KLKB1: variants seen among roughly 807,000 people sequenced by gnomAD.
KLKB1 encodes plasma kallikrein.
Under a neutral mutation model 73.6 loss-of-function variants are expected in KLKB1, and 58 were observed. That is an observed-to-expected ratio of 0.79 (90% CI 0.64 to 0.98). The LOEUF (loss-of-function observed/expected upper bound fraction) is 0.98. KLKB1 is among the 50% of genes least tolerant of loss of function. The pLI is 0.00. For synonymous variants in KLKB1, 280 were observed against 258.1 expected (o/e 1.08, Z -0.81); for missense variants, 737 against 763.8 (o/e 0.96, Z 0.41).
intron 4 of KLKB1, among the ~76,000 whole-genome samples, chr4:186,236,446 TG>T (rs888989901): frequency 6.6e-6 from 1 of 152,318 alleles, no homozygotes; most frequent in Non-Finnish European, 1.5e-5. Flanking sequence ...ACATTATCAG[TG>T]TCCTCATTAT....
intron 2 of KLKB1, among the ~76,000 whole-genome samples, chr4:186,219,810 T>A (rs551703608): frequency 1.3e-5 from 2 of 152,254 alleles, no homozygotes; most frequent in East Asian, 3.9e-4. Context: ...TGTTGTAGTT[T>A]CCCATTGACC....
chr4:186,238,467 A>G (rs1737826531), intron 6 of KLKB1, 102 bp downstream of exon 6: 1 of 813,372 alleles, frequency 1.2e-6, no homozygotes, highest in Non-Finnish European at 2.2e-6. Flanking sequence ...GTGTTCCCAT[A>G]GCTGGCAAAA....
chr4:186,217,433 G>C (rs1200114211), intron 2 of KLKB1, among the ~76,000 whole-genome samples: 1 of 152,128 alleles, frequency 6.6e-6, no homozygotes, highest in Non-Finnish European at 1.5e-5. Context: ...AGCACAACAT[G>C]CATATTTAAA....
intron 11 of KLKB1, among the ~76,000 whole-genome samples, chr4:186,254,315 A>G (rs1260413667): frequency 2.0e-5 from 3 of 152,240 alleles, no homozygotes; most frequent in African/African-American, 4.8e-5. Context: ...GTGTCTCTCA[A>G]AAATGGGACA....
At position 186,258,317 on chromosome 4, in the gene KLKB1, A is replaced by T; in HGVS notation, c.*105A>T. On this transcript the variant is annotated 3_prime_UTR_variant, in exon 15 of 15. Coordinates refer to ENST00000264690, the MANE Select transcript of KLKB1 (RefSeq NM_000892.5). ...GCATGGAGAGTGGCATCTTCTTTGC[A>T]TCCTAAGGACGAAAAACACAGTGCA... 2 of 1,013,142 alleles carry T rather than the reference A, an allele frequency of 2.0e-6. No homozygotes were observed. Among genetic ancestry groups the T allele is most frequent in the East Asian group, 5.2e-5 (2 of 38,550 alleles). 62.8% of individuals were successfully genotyped at this position (1,013,142 alleles called of 1,614,324 possible). A position where few individuals can be genotyped will look rare whatever the true frequency, so the allele number is the denominator to read the frequency against.
intron 6 of KLKB1, among the ~76,000 whole-genome samples, chr4:186,245,753 T>C (rs1738295950): frequency 1.3e-5 from 2 of 151,160 alleles, no homozygotes. Context: ...GAAGGCGAGG[T>C]TAATTAAGTC....
chr4:186,226,033 A>C (rs1399150736), upstream of KLKB1, among the ~76,000 whole-genome samples: 2 of 151,766 alleles, frequency 1.3e-5, no homozygotes, highest in East Asian at 3.9e-4. Flanking sequence ...TGCTTGATCT[A>C]GTCTGCTGCT....
At chr4:186,248,562 A>G (rs1274543113) in intron 6 of KLKB1, among the ~76,000 whole-genome samples, 5 of 135,856 alleles carry the variant, frequency 3.7e-5, no homozygotes, top group Non-Finnish European at 1.5e-5. Context: ...TTGTTTATAT[A>G]CTTAGTTTGA....
intron 2 of KLKB1, chr4:186,212,928 T>C (rs893553972): frequency 1.3e-5 from 2 of 152,192 alleles, no homozygotes; most frequent in African/African-American, 4.8e-5. Context: ...TCCCATCAAA[T>C]GGTTAATCTT....
intron 6 of KLKB1, among the ~76,000 whole-genome samples, chr4:186,247,868 C>T (rs1207916757): frequency 6.6e-6 from 1 of 152,164 alleles, no homozygotes; most frequent in African/African-American, 2.4e-5. Context: ...TGAAAGTGTA[C>T]AACTCCGTGG....
intron 6 of KLKB1, among the ~76,000 whole-genome samples, chr4:186,244,873 G>A (rs548626249): frequency 7.3e-4 from 111 of 152,260 alleles, no homozygotes; most frequent in African/African-American, 1.8e-3. Flanking sequence ...ATTGAGCGGG[G>A]TAAGTGTGAT....
At chr4:186,243,806 G>T (rs1470127034) in intron 6 of KLKB1, among the ~76,000 whole-genome samples, 4 of 145,158 alleles carry the variant, frequency 2.8e-5, no homozygotes, top group African/African-American at 1.2e-4. Context: ...GTAGTGGAGC[G>T]GGGCAGAGCA....
chr4:186,245,427 G>C (rs1274163550), intron 6 of KLKB1, among the ~76,000 whole-genome samples: 1 of 152,238 alleles, frequency 6.6e-6, no homozygotes, highest in African/African-American at 2.4e-5. Flanking sequence ...CCTTGGGCCA[G>C]AGTTCCAGGG....
chr4:186,223,097 T>A (rs976942822), upstream of KLKB1, among the ~76,000 whole-genome samples: 8 of 152,196 alleles, frequency 5.3e-5, no homozygotes, highest in African/African-American at 1.7e-4. Flanking sequence ...AGGTACCTGC[T>A]TCCCCTTCAC....
Position 186,251,833 on chromosome 4 carries a change from G to C in KLKB1, c.1116G>C (p.Leu372Phe). Residue 372 changes from leucine (L) to phenylalanine (F), a missense_variant, in exon 10 of 15, where the codon TTG becomes TTC. Physicochemically the swap from Leu to Phe is conservative, Grantham distance 22. Coordinates refer to ENST00000264690, the MANE Select transcript of KLKB1 (RefSeq NM_000892.5). Reference protein sequence around the residue: ...YGTQGSSGYSLRLCNTGDNSV... With the variant: ...YGTQGSSGYSFRLCNTGDNSV... ...CACAAGGGAGCTCTGGTTACTCTTT[G>C]AGATTGTGTAACACTGGGGACAACT... 1 of 1,613,688 alleles carries C rather than the reference G, an allele frequency of 6.2e-7. No individual in the cohort carries two copies. Among genetic ancestry groups the C allele is most frequent in the South Asian group, 1.1e-5 (1 of 91,070 alleles).
intron 2 of KLKB1, among the ~76,000 whole-genome samples, chr4:186,231,147 G>T (rs1230761765): frequency 6.6e-6 from 1 of 152,088 alleles, no homozygotes; most frequent in African/African-American, 2.4e-5. Flanking sequence ...GGTCTAAGCT[G>T]CCCACTCCCT....
intron 7 of KLKB1, 36 bp from the exon 8 acceptor site, chr4:186,251,179 ATTTC>A (rs767184622): frequency 1.4e-6 from 2 of 1,407,528 alleles, no homozygotes; most frequent in Admixed American, 1.7e-5. Context: ...TTTAATGCAA[ATTTC>A]TTTCTTTCTC....
intron 3 of KLKB1, 114 bp downstream of exon 3, chr4:186,232,403 C>A: frequency 1.0e-6 from 1 of 978,960 alleles, no homozygotes; most frequent in Non-Finnish European, 1.6e-6. Context: ...CAAGGACCAG[C>A]TTCAGCAAAA....
chr4:186,256,076 C>G lies in KLKB1; in HGVS notation c.1574C>G (p.Ser525Trp). ...TNCWVTGWGF[S>W]KEKGEIQNIL... ...TGTTGGGTAACCGGATGGGGCTTCT[C>G]GAAGGAGAAAGGTAAGCATGACGCT... The change falls in exon 13 of 15, where the codon TCG becomes TGG. Residue 525 changes from serine (S) to tryptophan (W), a missense_variant. By Grantham distance (177) the Ser-to-Trp change is radical. Transcript: ENST00000264690. 6.2e-7 allele frequency: 1 copy of G among 1,604,606 alleles called. No homozygotes were observed. The highest frequency in any genetic ancestry group is 8.5e-7 in the Non-Finnish European group (1 of 1,171,380).
Sources: gnomAD v4.1 joint callset for allele counts (sites outside exome capture counted in the v4.1 genomes callset) on GRCh38, gnomAD v4.1.1 for gene constraint, MANE v1.5 for transcripts, NCBI Gene and HGNC (gene_info 2026-07-23, HGNC 2026-07-21) for gene names.